The following DYM variants were observed in gnomAD, a reference collection of about 807,000 sequenced individuals.
DYM encodes dyggve-Melchior-Clausen syndrome protein.
A neutral mutation model predicts 93.1 loss-of-function variants in DYM; 78 were observed. That is an observed-to-expected ratio of 0.84 (90% confidence interval 0.70 to 1.01). The LOEUF (loss-of-function observed/expected upper bound fraction) is 1.01, where lower values mean the gene tolerates loss of function less well. Ranked by LOEUF, DYM falls within the 50% of genes least tolerant of loss-of-function variation. The pLI, the probability that DYM is intolerant of heterozygous loss-of-function variation, is 0.00. For missense variants in DYM, 789 were observed against 845.0 expected (o/e 0.93, Z 0.82); for synonymous variants, 321 against 319.7 (o/e 1.00, Z -0.04).
chr18:49,226,514 T>C lies in DYM; in HGVS notation c.1461-16799A>G, dbSNP rs1323133268. Among the ~76,000 whole-genome samples the C allele has an allele frequency of 2.6e-5, 4 of 152,302 alleles. No individual in the cohort carries two copies. In the East Asian group the frequency reaches 7.7e-4, roughly 29 times the overall value. ...GTTGTATTTCAATGTGTTAATAGCA[T>C]GTTGCTGTCTACTCTACTTGTGGTC... is the stretch of plus-strand genomic sequence containing the variant. On this transcript the variant is annotated intron_variant, in intron 13 of 17. Coordinates refer to ENST00000675505, the MANE Select transcript of DYM (RefSeq NM_001353214.3).
intron 8 of DYM, among the ~76,000 whole-genome samples, chr18:49,288,445 G>A (rs1568177412): frequency 6.6e-6 from 1 of 151,946 alleles, no homozygotes; most frequent in Non-Finnish European, 1.5e-5. Context: ...TAATGTAAAG[G>A]CATAACATGT....
At chr18:49,415,926 T>TAAAAA (rs1600084533) in intron 2 of DYM, among the ~76,000 whole-genome samples, 1 of 111,720 alleles carries the variant, frequency 9.0e-6, no homozygotes. Flanking sequence ...AAACTCTGAC[T>TAAAAA]CAAAAAAAAA....
Position 49,256,887 on chromosome 18 carries a change from T to C in DYM, c.1460+123A>G, listed in dbSNP as rs1391284296. On this transcript the variant is annotated intron_variant, in intron 13 of 17. Transcript: ENST00000675505. ...TATTTTCAACCAAACAAGAAGGTGATAAAAATTAAGTAGGAAAATTTGATA... is the reference window on the plus strand; with the variant it reads ...TATTTTCAACCAAACAAGAAGGTGACAAAAATTAAGTAGGAAAATTTGATA... 5 of 818,252 alleles carry C rather than the reference T, an allele frequency of 6.1e-6. No individual in the cohort carries two copies. In the East Asian group the frequency reaches 8.3e-5, roughly 14 times the overall value. The allele number at this position is 818,252 out of a possible 1,614,324, so 50.7% of individuals were successfully genotyped here.
chr18:49,169,852 C>G (rs1025644940), intron 14 of DYM, among the ~76,000 whole-genome samples: 5 of 152,136 alleles, frequency 3.3e-5, no homozygotes, highest in African/African-American at 1.2e-4. Context: ...GTGAACAAGA[C>G]TAGAAACAGA....
At chr18:49,235,670 C>A (rs142124329) in intron 13 of DYM, among the ~76,000 whole-genome samples, 1 of 151,180 alleles carries the variant, frequency 6.6e-6, no homozygotes, top group African/African-American at 2.4e-5. Flanking sequence ...TAATTACTTA[C>A]GAGATAGAAT....
At chr18:49,091,865 C>T (rs998407185) in intron 17 of DYM, among the ~76,000 whole-genome samples, 2 of 152,084 alleles carry the variant, frequency 1.3e-5, no homozygotes, top group Non-Finnish European at 2.9e-5. Flanking sequence ...TGCCCGCCTC[C>T]AGCTCCCAAA....
At chr18:49,317,244 T>C (rs1018333126) in intron 8 of DYM, among the ~76,000 whole-genome samples, 2 of 152,162 alleles carry the variant, frequency 1.3e-5, no homozygotes, top group Non-Finnish European at 2.9e-5. Flanking sequence ...TAAAGTAAAA[T>C]GTAAAGAATT....
intron 3 of DYM, among the ~76,000 whole-genome samples, chr18:49,390,218 G>A (rs1434765367): frequency 6.6e-6 from 1 of 152,132 alleles, no homozygotes; most frequent in Non-Finnish European, 1.5e-5. Flanking sequence ...TTGCGGCCAG[G>A]AGCCTGAGAC....
chr18:49,305,824 T>G (rs751886180), intron 8 of DYM, among the ~76,000 whole-genome samples: 2 of 152,098 alleles, frequency 1.3e-5, no homozygotes, highest in African/African-American at 2.4e-5. Flanking sequence ...CTTAAACCCA[T>G]CCTAATTAGC....
intron 14 of DYM, among the ~76,000 whole-genome samples, chr18:49,191,135 T>C (rs908660317): frequency 9.2e-5 from 14 of 152,182 alleles, no homozygotes; most frequent in African/African-American, 2.9e-4. Context: ...GGGTCGACTA[T>C]ATTTTGATAG....
chr18:49,291,542 G>A (rs2060116416), intron 8 of DYM, among the ~76,000 whole-genome samples: 1 of 152,146 alleles, frequency 6.6e-6, no homozygotes, highest in African/African-American at 2.4e-5. Context: ...AGAGTATACT[G>A]GGAACCTCAA....
rs989487831 is a variant in DYM at position 49,043,124 on chromosome 18, TTTTC to T, written c.*927_*930del. ...ATGAGAAGTAGCCATTTTCTTTTTC[TTTTC>T]TTTCTTTTTTTTTTTTTGCGAGACA... On this transcript the variant is annotated 3_prime_UTR_variant, in exon 18 of 18. Coordinates refer to ENST00000675505, the MANE Select transcript of DYM (RefSeq NM_001353214.3). 1.1e-4 allele frequency: 16 copies of T among 152,068 alleles called. No individual in the cohort carries two copies. The highest frequency in any genetic ancestry group is 3.4e-4 in the African/African-American group (14 of 41,402). 9.4% of individuals were successfully genotyped at this position (152,068 alleles called of 1,614,324 possible).
intron 1 of DYM, among the ~76,000 whole-genome samples, chr18:49,441,687 C>T (rs1427865080): frequency 6.6e-6 from 1 of 151,860 alleles, no homozygotes; most frequent in African/African-American, 2.4e-5. Context: ...GTACCTGAAC[C>T]AGCCGACCTG....
chr18:49,412,778 A>C (rs186469463), intron 2 of DYM, among the ~76,000 whole-genome samples: 10 of 152,238 alleles, frequency 6.6e-5, no homozygotes, highest in East Asian at 5.8e-4. Flanking sequence ...TCAAAGAAGA[A>C]AGTAATTTTA....
intron 8 of DYM, among the ~76,000 whole-genome samples, chr18:49,296,487 C>T (rs961156650): frequency 6.6e-6 from 1 of 152,086 alleles, no homozygotes; most frequent in Non-Finnish European, 1.5e-5. Flanking sequence ...TAATGCCCTA[C>T]CCACGCAGCT....
intron 2 of DYM, among the ~76,000 whole-genome samples, chr18:49,419,700 T>C (rs1206859884): frequency 6.6e-6 from 1 of 152,242 alleles, no homozygotes; most frequent in Non-Finnish European, 1.5e-5. Context: ...ATTCAAATTG[T>C]CTTCAATCTA....
chr18:49,297,029 G>A (rs78858628), intron 8 of DYM, among the ~76,000 whole-genome samples: 14,395 of 152,182 alleles, frequency 0.095, 884 homozygotes, highest in East Asian at 0.31. Context: ...ACTGAAGGAT[G>A]TTTTTAAAGT....
chr18:49,311,879 TAA>T (rs754492886), intron 8 of DYM, among the ~76,000 whole-genome samples: 3 of 136,460 alleles, frequency 2.2e-5, no homozygotes, highest in Admixed American at 1.5e-4. Context: ...GTATAATAAT[TAA>T]AAAAAAAAAA....
intron 8 of DYM, among the ~76,000 whole-genome samples, chr18:49,293,222 TC>T (rs2060285132): frequency 6.6e-6 from 1 of 152,242 alleles, no homozygotes; most frequent in Non-Finnish European, 1.5e-5. Flanking sequence ...ATCCAGTCTA[TC>T]ACTGATGGGC....
Sources: allele counts gnomAD v4.1 joint callset (sites outside exome capture counted in the v4.1 genomes callset), GRCh38; gene constraint gnomAD v4.1.1; transcripts MANE v1.5; gene names NCBI Gene and HGNC (gene_info 2026-07-23, HGNC 2026-07-21).